Variants in ARHGAP15 observed in about 807,000 individuals in gnomAD.
ARHGAP15 encodes the protein Rho GTPase activating protein 15.
A neutral mutation model predicts 63.7 loss-of-function variants in ARHGAP15; 51 were observed. The ratio of observed to expected loss-of-function variants is 0.80; its 90% CI spans 0.64 to 1.01. The LOEUF (loss-of-function observed/expected upper bound fraction) is 1.01, where lower values mean the gene tolerates loss of function less well. ARHGAP15 is among the 50% of genes least tolerant of loss of function. The probability of loss-of-function intolerance (pLI) is 0.00; values close to 1 mark genes in which losing one functional copy is unlikely to be tolerated. For synonymous variants in ARHGAP15, 191 were observed against 193.8 expected (o/e 0.99, Z 0.12); for missense variants, 560 against 564.6 (o/e 0.99, Z 0.08).
rs572349534 is a variant in ARHGAP15, at chr2:143,527,163, A to G, written c.925+7799A>G. Among the ~76,000 whole-genome samples, 8 of 152,214 alleles carry G rather than the reference A, an allele frequency of 5.3e-5. No homozygotes were observed. The East Asian group carries it at 7.7e-4, about 15-fold the overall frequency. On this transcript the variant is annotated intron_variant, in intron 10 of 13. Coordinates refer to ENST00000295095, the MANE Select transcript of ARHGAP15 (RefSeq NM_018460.4). ...TTTTATACTTTCAAATTGTATACTC[A>G]ATTTAAGCATTAATCAATTAGTCTA...
intron 2 of ARHGAP15, among the ~76,000 whole-genome samples, chr2:143,166,626 C>A (rs527673826): frequency 1.3e-5 from 2 of 152,060 alleles, no homozygotes; most frequent in Non-Finnish European, 2.9e-5. Context: ...GTGTCAAGTA[C>A]GTTGCATTTT....
At chr2:143,767,854 T>A in intron 13 of ARHGAP15, 135 bp from the exon 14 acceptor site, 1 of 848,598 alleles carries the variant, frequency 1.2e-6, no homozygotes. Flanking sequence ...CAGTAAAGTA[T>A]GTAGGGTAGA....
At chr2:143,536,822 C>T (rs1273269644) in intron 10 of ARHGAP15, among the ~76,000 whole-genome samples, 10 of 151,036 alleles carry the variant, frequency 6.6e-5, no homozygotes, top group East Asian at 1.9e-4. Context: ...TGAATAGTGC[C>T]GCAATAAACA....
At chr2:143,666,844 G>A (rs1337380759) in intron 12 of ARHGAP15, among the ~76,000 whole-genome samples, 1 of 149,422 alleles carries the variant, frequency 6.7e-6, no homozygotes, top group Non-Finnish European at 1.5e-5. Flanking sequence ...GGCCATCAGA[G>A]AAATGCAAAT....
In ARHGAP15 at chr2:143,450,102, C is replaced by CT. The variant is rs200169659; in HGVS notation, c.703+13073dup. On this transcript the variant is annotated intron_variant, in intron 8 of 13. Coordinates refer to ENST00000295095, the MANE Select transcript of ARHGAP15 (RefSeq NM_018460.4). The stretch of plus-strand genomic sequence containing the variant: ...TTGTTATTGAGGTTTCATAATTAAT[C>CT]TTTTTTTTTTTTTCCTAGTAGGTAC... Among the ~76,000 whole-genome samples, 1,105 of 110,674 alleles carry CT rather than the reference C, an allele frequency of 1.0e-2. 15 individuals carry two copies. The highest frequency in any genetic ancestry group is 0.025 in the African/African-American group (792 of 31,066). The allele number at this position is 110,674 out of a possible 152,430, so 72.6% of individuals were successfully genotyped here. A position where few individuals can be genotyped will look rare whatever the true frequency, so the allele number is the denominator to read the frequency against.
At chr2:143,435,512 T>C in intron 6 of ARHGAP15, 89 bp from the exon 7 acceptor site, 1 of 1,377,048 alleles carries the variant, frequency 7.3e-7, no homozygotes, top group East Asian at 2.9e-5. Flanking sequence ...TAAACTGTGT[T>C]TTTTAAAAAA....
At chr2:143,608,040 T>TC (rs1002791009) in intron 11 of ARHGAP15, 6 of 152,190 alleles carry the variant, frequency 3.9e-5, no homozygotes, top group African/African-American at 1.4e-4. Flanking sequence ...CTTGTTTTTT[T>TC]CCGCTCGAAG....
intron 1 of ARHGAP15, among the ~76,000 whole-genome samples, chr2:143,131,036 G>C (rs1344850693): frequency 6.6e-6 from 1 of 152,076 alleles, no homozygotes; most frequent in Non-Finnish European, 1.5e-5. Flanking sequence ...TTGAGGAAAA[G>C]TCCATGAAAA....
At chr2:143,550,027 GAGATAAT>G (rs2092652848) in intron 10 of ARHGAP15, among the ~76,000 whole-genome samples, 1 of 152,172 alleles carries the variant, frequency 6.6e-6, no homozygotes, top group Admixed American at 6.5e-5. Context: ...CTAGAGAAGA[GAGATAAT>G]AGAGGGAAAA....
chr2:143,656,983 G>GTGTGT (rs1553518500), intron 12 of ARHGAP15, among the ~76,000 whole-genome samples: 3 of 150,348 alleles, frequency 2.0e-5, no homozygotes, highest in African/African-American at 4.9e-5. Flanking sequence ...GTAGGAGTGA[G>GTGTGT]GACATGTTAT....
At chr2:143,403,880 T>A (rs1292937226) in intron 6 of ARHGAP15, among the ~76,000 whole-genome samples, 4 of 151,616 alleles carry the variant, frequency 2.6e-5, no homozygotes, top group Non-Finnish European at 5.9e-5. Flanking sequence ...GAGACAACTA[T>A]CCATGCAAGA....
At chr2:143,163,425 A>G (rs932342920) in intron 2 of ARHGAP15, among the ~76,000 whole-genome samples, 1 of 151,458 alleles carries the variant, frequency 6.6e-6, no homozygotes, top group Non-Finnish European at 1.5e-5. Context: ...ATACATATCT[A>G]TATACAGATA....
intron 11 of ARHGAP15, among the ~76,000 whole-genome samples, chr2:143,589,499 G>T (rs1180896287): frequency 1.3e-5 from 2 of 152,184 alleles, no homozygotes; most frequent in Non-Finnish European, 2.9e-5. Flanking sequence ...AGGAAACTGA[G>T]GCTTAGTGAG....
In ARHGAP15 at chr2:143,694,383, G is replaced by A. The variant is rs1456088128; in HGVS notation, c.1139-9036G>A. Among the ~76,000 whole-genome samples, 6 of 152,318 alleles carry A rather than the reference G, an allele frequency of 3.9e-5. No homozygotes were observed. In the South Asian group the frequency reaches 1.0e-3, roughly 26 times the overall value. On this transcript the variant is annotated intron_variant, in intron 12 of 13. Coordinates refer to ENST00000295095, the MANE Select transcript of ARHGAP15 (RefSeq NM_018460.4). ...CTTCCAGATAAAAGACCTTTGCTAT[G>A]TAGGACCCATGTGGTAAAATGATCA...
chr2:143,463,498 C>T (rs1252111772), intron 8 of ARHGAP15, among the ~76,000 whole-genome samples: 1 of 140,994 alleles, frequency 7.1e-6, no homozygotes, highest in Non-Finnish European at 1.5e-5. Context: ...TGGGATCATG[C>T]CATTGCATTC....
intron 10 of ARHGAP15, among the ~76,000 whole-genome samples, chr2:143,519,800 T>C (rs1009484527): frequency 6.6e-6 from 1 of 152,182 alleles, no homozygotes; most frequent in African/African-American, 2.4e-5. Flanking sequence ...ACCTTCCACA[T>C]GTCTCTGTTC....
chr2:143,697,220 T>C (rs1194997062), intron 12 of ARHGAP15, among the ~76,000 whole-genome samples: 1 of 152,184 alleles, frequency 6.6e-6, no homozygotes, highest in Non-Finnish European at 1.5e-5. Flanking sequence ...TTCCTACTTT[T>C]AGGAAAGCAT....
At chr2:143,737,719 CTATTTATTTTATTTATTTATT>C (rs1479232582) in intron 13 of ARHGAP15, among the ~76,000 whole-genome samples, 2 of 146,796 alleles carry the variant, frequency 1.4e-5, no homozygotes, top group Non-Finnish European at 3.0e-5. Context: ...CTTTTGAAAC[CTATTTATTTTATTTATTTATT>C]TATTTATTTA....
chr2:143,663,586 G>A (rs1462646130), intron 12 of ARHGAP15, among the ~76,000 whole-genome samples: 3 of 151,796 alleles, frequency 2.0e-5, no homozygotes, highest in Non-Finnish European at 2.9e-5. Flanking sequence ...AAATGTAAAT[G>A]GACTAAATTT....
Sources: gnomAD v4.1 joint callset for allele counts (sites outside exome capture counted in the v4.1 genomes callset) on GRCh38, gnomAD v4.1.1 for gene constraint, MANE v1.5 for transcripts, NCBI Gene and HGNC (gene_info 2026-07-23, HGNC 2026-07-21) for gene names.